The following MPP7 variants were observed in gnomAD, a reference collection of about 807,000 sequenced individuals.
The protein encoded by MPP7 is MAGUK p55 subfamily member 7.
Under a neutral mutation model 76.5 loss-of-function variants are expected in MPP7, and 60 were observed. The ratio of observed to expected loss-of-function variants is 0.78; its 90% CI spans 0.64 to 0.97. MPP7 has a LOEUF of 0.97. Among genes scored for constraint, MPP7 ranks in the 50% least tolerant of loss-of-function variants. The pLI, the probability that MPP7 is intolerant of heterozygous loss-of-function variation, is 0.00. For missense variants in MPP7, 641 were observed against 694.0 expected, an observed-to-expected ratio of 0.92 and a Z score of 0.86; for synonymous variants, 237 against 244.5, an observed-to-expected ratio of 0.97 and a Z score of 0.29.
intron 1 of MPP7, among the ~76,000 whole-genome samples, chr10:28,263,984 T>C (rs1820419041): frequency 6.6e-6 from 1 of 151,996 alleles, no homozygotes; most frequent in African/African-American, 2.4e-5. Context: ...ATAGGCACAG[T>C]TTCAGGAACC....
intron 11 of MPP7, among the ~76,000 whole-genome samples, chr10:28,108,899 T>C (rs1341816255): frequency 6.6e-6 from 1 of 152,084 alleles, no homozygotes; most frequent in East Asian, 1.9e-4. Context: ...CAGTACAGAT[T>C]AGAAAGTTGG....
In MPP7 at chr10:28,206,924, T is replaced by TC. The variant is rs574489439; in HGVS notation, c.38-4654dup. On this transcript the variant is annotated intron_variant, in intron 2 of 16. Transcript: ENST00000683449. ...TTAAACTTCTTTGCAACGTTTTTTT[T>TC]CTCCCATTGTCTTGATGAATAGTGT... is the stretch of plus-strand genomic sequence containing the variant. Among the ~76,000 whole-genome samples the TC allele has an allele frequency of 5.8e-3, 886 of 152,310 alleles. 5 individuals carry two copies. The highest frequency in any genetic ancestry group is 0.02 in the African/African-American group (843 of 41,574).
rs373932686 is a variant in MPP7, at chr10:28,143,104, G to GA, written c.315+4378dup. ...CTACAAAATGCCAAAAATATTAAAAGAAAAAAAAATCACATTAAGTAGTGC... is the reference window on the plus strand; with the variant it reads ...CTACAAAATGCCAAAAATATTAAAAGAAAAAAAAAATCACATTAAGTAGTGC... On this transcript the variant is annotated intron_variant, in intron 5 of 16. Coordinates refer to ENST00000683449, the MANE Select transcript of MPP7 (RefSeq NM_001318170.2). 1.0e-4 allele frequency among the ~76,000 whole-genome samples: 15 copies of GA among 150,106 alleles called. No individual in the cohort carries two copies. The East Asian group carries it at 1.2e-3, about 12-fold the overall frequency.
chr10:28,106,499 G>A (rs1175752458), intron 11 of MPP7, among the ~76,000 whole-genome samples: 1 of 152,158 alleles, frequency 6.6e-6, no homozygotes, highest in Admixed American at 6.6e-5. Context: ...ATTTAGAGGG[G>A]TTATGGGAAT....
At chr10:28,324,826 C>A (rs1834397212) in intron 2 of MPP7, among the ~76,000 whole-genome samples, 1 of 152,154 alleles carries the variant, frequency 6.6e-6, no homozygotes, top group African/African-American at 2.4e-5. Context: ...CACTATAAAT[C>A]CTAGGAGATC....
chr10:28,247,105 A>C (rs1839461418), intron 1 of MPP7, among the ~76,000 whole-genome samples: 1 of 152,208 alleles, frequency 6.6e-6, no homozygotes, highest in Non-Finnish European at 1.5e-5. Context: ...TAAATCATTC[A>C]CTCTAAGTAT....
At position 28,243,399 on chromosome 10, in the gene MPP7, ATT is replaced by A. The variant is rs35662382; in HGVS notation, c.-131-4666_-131-4665del. Among the ~76,000 whole-genome samples the A allele has an allele frequency of 1.2e-3, 172 of 145,946 alleles. 1 individual carries two copies. Among genetic ancestry groups the A allele is most frequent in the East Asian group, 4.4e-3 (22 of 5,018 alleles). Reference sequence around the variant, plus strand: ...ACCCACGGTGGTATTAACAAATGTGATTTTTTTTTTTTTTGGCATTTTGTATC... The same window carrying A: ...ACCCACGGTGGTATTAACAAATGTGATTTTTTTTTTTTGGCATTTTGTATC... On this transcript the variant is annotated intron_variant, in intron 1 of 16. Transcript: ENST00000683449.
chr10:28,085,748 G>A (rs551374492), intron 12 of MPP7, among the ~76,000 whole-genome samples: 1 of 152,170 alleles, frequency 6.6e-6, no homozygotes, highest in Admixed American at 6.5e-5. Context: ...TGAGAATCAG[G>A]AATCAAACTT....
intron 2 of MPP7, among the ~76,000 whole-genome samples, chr10:28,209,628 A>G (rs1838066348): frequency 6.6e-6 from 1 of 152,210 alleles, no homozygotes; most frequent in Non-Finnish European, 1.5e-5. Context: ...TACAGATTTG[A>G]AAGGGAAATA....
At chr10:28,206,411 T>G (rs181773276) in intron 2 of MPP7, among the ~76,000 whole-genome samples, 1 of 151,374 alleles carries the variant, frequency 6.6e-6, no homozygotes, top group Admixed American at 6.6e-5. Context: ...ACATACCTAA[T>G]TAATTATTAA....
chr10:28,088,938 C>T (rs529315766), intron 12 of MPP7, among the ~76,000 whole-genome samples: 7 of 152,208 alleles, frequency 4.6e-5, no homozygotes, highest in South Asian at 4.2e-4. Context: ...TGCAGTGGCG[C>T]GATCTTGGCT....
intron 3 of MPP7, among the ~76,000 whole-genome samples, chr10:28,189,073 T>G (rs1006906375): frequency 3.3e-5 from 5 of 152,120 alleles, no homozygotes; most frequent in Non-Finnish European, 7.3e-5. Flanking sequence ...AAGCAAAATA[T>G]TTTATTTGTT....
At chr10:28,149,884 C>G in intron 4 of MPP7, 98 bp downstream of exon 4, 1 of 752,014 alleles carries the variant, frequency 1.3e-6, no homozygotes, top group Non-Finnish European at 2.1e-6. Flanking sequence ...CTGCTTTTCA[C>G]TCATAGGATC....
rs1235599683 is a variant in MPP7, at chr10:28,052,450, G to A, written c.*1615C>T. ...GGTGTGACTATGTGTCAAGGCCATT[G>A]GAGTGGTTTTTGTCTCTGCTTCTAA... On this transcript the variant is annotated 3_prime_UTR_variant, in exon 17 of 17. Transcript: ENST00000683449. The A allele has an allele frequency of 6.6e-6, 1 of 152,456 alleles. No homozygotes were observed. The highest frequency in any genetic ancestry group is 2.4e-5 in the African/African-American group (1 of 41,408). 9.4% of individuals were successfully genotyped at this position (152,456 alleles called of 1,614,324 possible). A position where few individuals can be genotyped will look rare whatever the true frequency, so the allele number is the denominator to read the frequency against.
At chr10:28,110,557 T>C (rs983433896) in intron 11 of MPP7, among the ~76,000 whole-genome samples, 1 of 152,162 alleles carries the variant, frequency 6.6e-6, no homozygotes, top group Non-Finnish European at 1.5e-5. Context: ...TAAGAAGAGA[T>C]TTCATGTTGG....
At chr10:28,254,215 G>T (rs1839713268) in intron 1 of MPP7, among the ~76,000 whole-genome samples, 1 of 152,086 alleles carries the variant, frequency 6.6e-6, no homozygotes, top group Admixed American at 6.6e-5. Context: ...AATCATAGCT[G>T]TACAAGTTCT....
intron 3 of MPP7, among the ~76,000 whole-genome samples, chr10:28,188,492 C>T (rs1458023539): frequency 6.6e-6 from 1 of 152,084 alleles, no homozygotes; most frequent in Non-Finnish European, 1.5e-5. Context: ...AGACAAAGGA[C>T]TTTTCCATTT....
intron 12 of MPP7, among the ~76,000 whole-genome samples, chr10:28,074,592 C>T (rs1852401145): frequency 6.6e-6 from 1 of 152,126 alleles, no homozygotes; most frequent in Non-Finnish European, 1.5e-5. Flanking sequence ...CCACAATGCC[C>T]ATTCTAAAGC....
intron 1 of MPP7, among the ~76,000 whole-genome samples, chr10:28,281,810 T>G (rs897486758): frequency 2.0e-5 from 3 of 152,030 alleles, no homozygotes; most frequent in African/African-American, 7.3e-5. Flanking sequence ...AAACCAGCAA[T>G]AAGCAGGGCT....
Sources: allele counts gnomAD v4.1 joint callset (sites outside exome capture counted in the v4.1 genomes callset), GRCh38; gene constraint gnomAD v4.1.1; transcripts MANE v1.5; gene names NCBI Gene and HGNC (gene_info 2026-07-23, HGNC 2026-07-21).